The following ACOX3 variants were observed in gnomAD, a reference collection of about 807,000 sequenced individuals.
ACOX3 encodes acyl-CoA oxidase 3, pristanoyl.
A neutral mutation model predicts 81.5 loss-of-function variants in ACOX3; 73 were observed. The observed-to-expected ratio is 0.90, with a 90% CI of 0.74 to 1.09. The LOEUF (loss-of-function observed/expected upper bound fraction) is 1.09, where lower values mean the gene tolerates loss of function less well. Ranked by LOEUF, ACOX3 falls within the 50% of genes least tolerant of loss-of-function variation. ACOX3 has a pLI of 0.00. For synonymous variants in ACOX3, 387 were observed against 375.1 expected (o/e 1.03, Z -0.37); for missense variants, 947 against 928.0 (o/e 1.02, Z -0.27).
chr4:8,404,404 T>TAGG (rs1472048662), intron 7 of ACOX3, among the ~76,000 whole-genome samples: 1 of 151,656 alleles, frequency 6.6e-6, no homozygotes, highest in African/African-American at 2.4e-5. Flanking sequence ...CAGGTGGAGT[T>TAGG]AGGAGGGCTG....
Position 8,389,726 on chromosome 4 carries a change from AC to A in ACOX3, c.1308del (p.Leu437TrpfsTer47). On this transcript the variant is annotated frameshift_variant, in exon 12 of 18. Transcript: ENST00000356406. LOFTEE classifies it high-confidence loss of function. The surrounding 1 kb of genome is among the most constrained non-coding windows in gnomAD (Gnocchi z 5.3). ...CGGHGYLAMNRLGVLRDDNDP... is the reference protein window; with the variant it reads ...CGGHGYLAMNXLGVLRDDNDP... ...TCGTTGTCATCTCTAAGGACACCCA[AC>A]CGGTTCACTGCAACAAAGCCACAAT... 1 of 1,613,766 alleles carries A rather than the reference AC, an allele frequency of 6.2e-7. No homozygotes were observed. The highest frequency in any genetic ancestry group is 8.5e-7 in the Non-Finnish European group (1 of 1,179,924).
Position 8,414,453 on chromosome 4 carries a change from G to T in ACOX3, c.454-72C>A. The T allele has an allele frequency of 7.5e-7, 1 of 1,341,362 alleles. No individual in the cohort carries two copies. The highest frequency in any genetic ancestry group is 1.1e-6 in the Non-Finnish European group (1 of 936,010). The allele number at this position is 1,341,362 out of a possible 1,614,324, so 83.1% of individuals were successfully genotyped here. ...TGCACATTCCCAGAAGGACCTCACTGCCATCTTTCCTTTAAAGATGAAACC... is the reference window on the plus strand; with the variant it reads ...TGCACATTCCCAGAAGGACCTCACTTCCATCTTTCCTTTAAAGATGAAACC... On this transcript the variant is annotated intron_variant, in intron 4 of 17. Transcript: ENST00000356406. The surrounding 1 kb of genome is among the most constrained non-coding windows in gnomAD (Gnocchi z 6.1).
chr4:8,409,569 G>C (rs1338941441), intron 6 of ACOX3, among the ~76,000 whole-genome samples: 2 of 150,948 alleles, frequency 1.3e-5, no homozygotes. Context: ...GATACACTTT[G>C]GGCGGGCCTG....
At chr4:8,410,069 G>T in intron 6 of ACOX3, 143 bp downstream of exon 6, 1 of 1,092,216 alleles carries the variant, frequency 9.2e-7, no homozygotes, top group Non-Finnish European at 1.3e-6. Context: ...GGGATGCACT[G>T]GGGTCCTGGG....
chr4:8,378,876 C>A (rs568940863), intron 14 of ACOX3, among the ~76,000 whole-genome samples: 1 of 152,252 alleles, frequency 6.6e-6, no homozygotes, highest in Non-Finnish European at 1.5e-5. Context: ...TGGTCAGTAA[C>A]CTTCCCAAAG....
Position 8,377,245 on chromosome 4 carries a change from C to T in ACOX3, c.1654-2093G>A, listed in dbSNP as rs115337313. On this transcript the variant is annotated intron_variant, in intron 14 of 17. Coordinates refer to ENST00000356406, the MANE Select transcript of ACOX3 (RefSeq NM_003501.3). ...CGTCCTTGAACCGAATCTGAGTGAG[C>T]CCTGTGCCCCGCACCACTCTCCCCG... Among the ~76,000 whole-genome samples, 880 of 152,298 alleles carry T rather than the reference C, an allele frequency of 5.8e-3. 9 individuals are homozygous for T. The highest frequency in any genetic ancestry group is 0.013 in the South Asian group (65 of 4,822).
At chr4:8,421,478 A>C (rs912380165) in intron 1 of ACOX3, among the ~76,000 whole-genome samples, 10 of 152,166 alleles carry the variant, frequency 6.6e-5, no homozygotes, top group African/African-American at 2.4e-4. Flanking sequence ...AGAAGTCTCT[A>C]CTCAACAGTT....
chr4:8,378,922 T>C (rs1209312197), intron 14 of ACOX3, among the ~76,000 whole-genome samples: 1 of 152,192 alleles, frequency 6.6e-6, no homozygotes, highest in African/African-American at 2.4e-5. Flanking sequence ...ACGGTGCTGC[T>C]GCCCAAGCCC....
intron 1 of ACOX3, among the ~76,000 whole-genome samples, chr4:8,422,673 G>A (rs1366677082): frequency 1.3e-5 from 2 of 152,224 alleles, no homozygotes; most frequent in Admixed American, 6.5e-5. Flanking sequence ...AAAGTACTGG[G>A]TCATCAGTTC....
At chr4:8,425,760 A>G (rs1723411638) in intron 1 of ACOX3, among the ~76,000 whole-genome samples, 1 of 151,754 alleles carries the variant, frequency 6.6e-6, no homozygotes, top group Non-Finnish European at 1.5e-5. Context: ...AAAAGGCCGA[A>G]GACGTAATAA....
intron 7 of ACOX3, among the ~76,000 whole-genome samples, chr4:8,403,779 C>A (rs1578938074): frequency 6.6e-6 from 1 of 152,080 alleles, no homozygotes; most frequent in African/African-American, 2.4e-5. Context: ...TAGGGGGGAA[C>A]CAAGTGCAGG....
chr4:8,368,598 C>T lies in ACOX3; in HGVS notation c.1984-1518G>A, dbSNP rs1424012849. 6.6e-6 allele frequency among the ~76,000 whole-genome samples: 1 copy of T among 152,098 alleles called. No individual in the cohort carries two copies. Among genetic ancestry groups the T allele is most frequent in the East Asian group, 1.9e-4 (1 of 5,202 alleles). ...GGCCTAGGTTCCAGCTTATGTTTCACAGTTTGGAGCAGCGGGCTTGATTTA... is the reference window on the plus strand; with the variant it reads ...GGCCTAGGTTCCAGCTTATGTTTCATAGTTTGGAGCAGCGGGCTTGATTTA... On this transcript the variant is annotated intron_variant, in intron 17 of 17. Transcript: ENST00000356406. The surrounding 1 kb of genome is among the most constrained non-coding windows in gnomAD (Gnocchi z 5.9).
Position 8,431,545 on chromosome 4 carries a change from T to C in ACOX3, c.-15+9103A>G, listed in dbSNP as rs113538239. Among the ~76,000 whole-genome samples the C allele has an allele frequency of 0.057, 8,688 of 152,250 alleles. 418 individuals carry two copies. The highest frequency in any genetic ancestry group is 0.13 in the African/African-American group (5,457 of 41,528). On this transcript the variant is annotated intron_variant, in intron 1 of 17. Transcript: ENST00000356406. This position sits in a 1 kb window ranked among gnomAD's most constrained non-coding sequence, Gnocchi z 5.3. The stretch of plus-strand genomic sequence containing the variant: ...CTGTTGTATTTGGGACCTGGGTGGA[T>C]GGAGATGCCACTGGGACTGACACCA...
intron 14 of ACOX3, among the ~76,000 whole-genome samples, chr4:8,378,887 G>A (rs1362709371): frequency 6.6e-6 from 1 of 152,020 alleles, no homozygotes; most frequent in Non-Finnish European, 1.5e-5. Context: ...CTTCCCAAAG[G>A]ACACAGCCAT....
intron 9 of ACOX3, among the ~76,000 whole-genome samples, chr4:8,395,920 C>T (rs1719643362): frequency 6.6e-6 from 1 of 152,254 alleles, no homozygotes; most frequent in Non-Finnish European, 1.5e-5. Flanking sequence ...GGACCTGGGC[C>T]TGAGTTAGCC....
At position 8,381,386 on chromosome 4, in the gene ACOX3, G is replaced by C. The variant is rs1215653759; in HGVS notation, c.1653+106C>G. ...CATCTGCCCAAGGTCACGGGAGCTCGGGGTCTGGGGCCTGAATTGCCAGGA... is the reference window on the plus strand; with the variant it reads ...CATCTGCCCAAGGTCACGGGAGCTCCGGGTCTGGGGCCTGAATTGCCAGGA... On this transcript the variant is annotated intron_variant, in intron 14 of 17. Transcript: ENST00000356406. The surrounding 1 kb of genome is among the most constrained non-coding windows in gnomAD (Gnocchi z 4.3). The C allele has an allele frequency of 1.0e-6, 1 of 982,544 alleles. No individual in the cohort carries two copies. The highest frequency in any genetic ancestry group is 1.6e-6 in the Non-Finnish European group (1 of 643,656). The allele number at this position is 982,544 out of a possible 1,614,324, so 60.9% of individuals were successfully genotyped here. A position where few individuals can be genotyped will look rare whatever the true frequency, so the allele number is the denominator to read the frequency against.
At chr4:8,362,301 C>T (rs893038722), downstream of ACOX3, among the ~76,000 whole-genome samples, 4 of 152,320 alleles carry the variant, frequency 2.6e-5, no homozygotes, top group South Asian at 4.1e-4. Context: ...TTTAACTTTA[C>T]TTAAAATGTT....
In ACOX3 at chr4:8,410,348, A is replaced by T; in HGVS notation, c.551T>A (p.Ile184Asn). 1.2e-6 allele frequency: 2 copies of T among 1,614,038 alleles called. No individual in the cohort carries two copies. Among genetic ancestry groups the T allele is most frequent in the Non-Finnish European group, 1.7e-6 (2 of 1,179,908 alleles). The change falls in exon 6 of 18, where the codon ATC becomes AAC. Residue 184 changes from isoleucine to asparagine, a missense_variant. Physicochemically the swap from Ile to Asn is moderately radical, Grantham distance 149. Transcript: ENST00000356406. Reference sequence around the variant, plus strand: ...AGCTTCGAAATCAGGGGAATGTATGATGAATTCCTGCACAAGGGAAAATTT... The same window carrying T: ...AGCTTCGAAATCAGGGGAATGTATGTTGAATTCCTGCACAAGGGAAAATTT... ...AHYDPATEEF[I>N]IHSPDFEAAK...
In ACOX3 at chr4:8,407,977, T is replaced by G. The variant is rs567310618; in HGVS notation, c.688-1934A>C. Reference sequence around the variant, plus strand: ...ACGCCAGAAGTGCTCAGCCCAGCCCTGGGCATACAGGGCGCCCCAGTGAGT... The same window carrying G: ...ACGCCAGAAGTGCTCAGCCCAGCCCGGGGCATACAGGGCGCCCCAGTGAGT... On this transcript the variant is annotated intron_variant, in intron 6 of 17. Transcript: ENST00000356406. This position sits in a 1 kb window ranked among gnomAD's most constrained non-coding sequence, Gnocchi z 4.6. Among the ~76,000 whole-genome samples, 14 of 152,324 alleles carry G rather than the reference T, an allele frequency of 9.2e-5. No individual in the cohort carries two copies. In the East Asian group the frequency reaches 2.7e-3, roughly 29 times the overall value.
Sources: allele counts gnomAD v4.1 joint callset (sites outside exome capture counted in the v4.1 genomes callset), GRCh38; gene constraint gnomAD v4.1.1; non-coding constraint Gnocchi (gnomAD v3.1); transcripts MANE v1.5; gene names NCBI Gene and HGNC (gene_info 2026-07-23, HGNC 2026-07-21).